Variants in PPP6R1 observed in about 807,000 individuals in gnomAD.
PPP6R1 encodes the protein protein phosphatase 6 regulatory subunit 1.
PPP6R1 carries 39 observed loss-of-function variants against 104.6 expected under a neutral mutation model. The observed-to-expected ratio is 0.37, with a 90% confidence interval of 0.29 to 0.49. The LOEUF (loss-of-function observed/expected upper bound fraction) is 0.49, where lower values mean the gene tolerates loss of function less well. Among genes scored for constraint, PPP6R1 ranks in the 20% least tolerant of loss-of-function variants. The pLI, the probability that PPP6R1 is intolerant of heterozygous loss-of-function variation, is 0.98. For missense variants in PPP6R1, 1,181 were observed against 1,155.8 expected, an observed-to-expected ratio of 1.02 and a Z score of -0.32; for synonymous variants, 549 against 479.0, an observed-to-expected ratio of 1.15 and a Z score of -1.91.
chr19:55,242,688 G>C (rs2087469675), intron 5 of PPP6R1, 200 bp from the exon 6 acceptor site: 2 of 577,778 alleles, frequency 3.5e-6, no homozygotes, highest in South Asian at 3.8e-5. Context: ...AGCCCGGAAG[G>C]CTCCCCAGGA....
intron 1 of PPP6R1, among the ~76,000 whole-genome samples, chr19:55,253,536 C>A (rs1437604890): frequency 2.0e-5 from 3 of 152,198 alleles, no homozygotes; most frequent in Non-Finnish European, 4.4e-5. Context: ...GCACGGCATC[C>A]AAGAACTTCG....
At chr19:55,234,634 T>TTCACAGCGGCCGCAC (rs11274918) in intron 17 of PPP6R1, among the ~76,000 whole-genome samples, 6 of 151,478 alleles carry the variant, frequency 4.0e-5, no homozygotes, top group African/African-American at 1.5e-4. Flanking sequence ...TGCAAGGGTA[T>TTCACAGCGGCCGCAC]TCACAGCGGC....
intron 20 of PPP6R1, 46 bp downstream of exon 20, chr19:55,231,550 GCT>G: frequency 6.3e-7 from 1 of 1,598,642 alleles, no homozygotes. Context: ...TGGCCAGGCT[GCT>G]CTCTCTGCCC....
intron 1 of PPP6R1, among the ~76,000 whole-genome samples, chr19:55,254,298 G>T (rs886741679): frequency 4.6e-5 from 7 of 152,192 alleles, no homozygotes; most frequent in Admixed American, 2.0e-4. Context: ...GGAAGAAGGG[G>T]AAATTGTAAA....
Position 55,231,574 on chromosome 19 carries a change from TGGGCA to T in PPP6R1, c.2377+19_2377+23del, listed in dbSNP as rs1317037886. 7 of 1,605,794 alleles carry T rather than the reference TGGGCA, an allele frequency of 4.4e-6. No individual in the cohort carries two copies. The highest frequency in any genetic ancestry group is 3.4e-5 in the Admixed American group (2 of 58,966). On this transcript the variant is annotated intron_variant, in intron 20 of 23. Coordinates refer to ENST00000412770, the MANE Select transcript of PPP6R1 (RefSeq NM_014931.4). The stretch of plus-strand genomic sequence containing the variant: ...TGCTCTCTCTGCCCAGGGCCGCGGG[TGGGCA>T]GGGCAAAGCGGGGCTCACCTGAGGG...
At position 55,241,654 on chromosome 19, in the gene PPP6R1, G is replaced by C. The variant is rs980057586; in HGVS notation, c.846-15C>G. The stretch of plus-strand genomic sequence containing the variant: ...CGGACTCGGACCTGCAGCAGGGCAG[G>C]GTCGAAGGCGGAGTGAGCCTAGATG... On this transcript the variant is annotated splice_polypyrimidine_tract_variant and intron_variant, in intron 7 of 23. Transcript: ENST00000412770. This position sits in a 1 kb window ranked among gnomAD's most constrained non-coding sequence, Gnocchi z 5.4. 2.6e-6 allele frequency: 4 copies of C among 1,551,160 alleles called. No homozygotes were observed. The East Asian group carries it at 9.5e-5, about 37-fold the overall frequency.
rs562588931 is a variant in PPP6R1, at chr19:55,241,429, C to G, written c.1009-38G>C. 3.0e-5 allele frequency: 48 copies of G among 1,596,526 alleles called. No homozygotes were observed. The highest frequency in any genetic ancestry group is 6.8e-5 in the Admixed American group (4 of 58,806). ...GGAGGCCTGATTCCCAAGGGCTGCC[C>G]TTCCTGCTTCCCCCGCCTCCCCGAG... On this transcript the variant is annotated intron_variant, in intron 8 of 23. Transcript: ENST00000412770. The surrounding 1 kb of genome is among the most constrained non-coding windows in gnomAD (Gnocchi z 5.4).
intron 1 of PPP6R1, among the ~76,000 whole-genome samples, chr19:55,258,024 G>C (rs1230305228): frequency 2.6e-5 from 4 of 152,242 alleles, no homozygotes; most frequent in African/African-American, 9.6e-5. Context: ...GGAAGAGGTG[G>C]CGGGGCAGAG....
rs1258721515 is a variant in PPP6R1 at position 55,241,500 on chromosome 19, G to A, written c.985C>T (p.Gln329Ter). 1 of 1,599,014 alleles carries A rather than the reference G, an allele frequency of 6.3e-7. No homozygotes were observed. The highest frequency in any genetic ancestry group is 8.5e-7 in the Non-Finnish European group (1 of 1,173,314). ...ACCTTGGGAGGCTCCAGCAGGAGCTGGTGGAAGCAGCTGAGCCGCGGGCGT... is the reference window on the plus strand; with the variant it reads ...ACCTTGGGAGGCTCCAGCAGGAGCTAGTGGAAGCAGCTGAGCCGCGGGCGT... ...ALRPRLSCFHQLLLEPPKLEP... is the reference protein window; with the variant it reads ...ALRPRLSCFH The change falls in exon 8 of 24, where the codon CAG (glutamine) becomes TAG (stop). Residue 329 changes from glutamine (Q) to a stop codon, truncating the protein, a stop_gained. Coordinates refer to ENST00000412770, the MANE Select transcript of PPP6R1 (RefSeq NM_014931.4). LOFTEE classifies it high-confidence loss of function. The surrounding 1 kb of genome is among the most constrained non-coding windows in gnomAD (Gnocchi z 5.4).
rs557592324 is a variant in PPP6R1, at chr19:55,239,583, C to T, written c.1653+11G>A. On this transcript the variant is annotated intron_variant, in intron 14 of 23. Coordinates refer to ENST00000412770, the MANE Select transcript of PPP6R1 (RefSeq NM_014931.4). Reference sequence around the variant, plus strand: ...ATAGCCCAGCACAGCCCCACATAGCCCCACGCCCACCTGCTGCAGCACAGC... The same window carrying T: ...ATAGCCCAGCACAGCCCCACATAGCTCCACGCCCACCTGCTGCAGCACAGC... The T allele has an allele frequency of 1.3e-5, 21 of 1,610,494 alleles. 1 individual carries two copies. The South Asian group carries it at 2.1e-4, about 16-fold the overall frequency.
At chr19:55,237,083 ATTTGG>A in intron 15 of PPP6R1, 113 bp from the exon 16 acceptor site, 1 of 1,170,320 alleles carries the variant, frequency 8.5e-7, no homozygotes, top group African/African-American at 1.5e-5. Flanking sequence ...TTACTTGCAG[ATTTGG>A]TATCTGCAAA....
intron 1 of PPP6R1, among the ~76,000 whole-genome samples, chr19:55,253,249 A>G (rs913124007): frequency 6.6e-6 from 1 of 152,244 alleles, no homozygotes; most frequent in African/African-American, 2.4e-5. Flanking sequence ...CATGTGGAAG[A>G]GGGGCCCAGA....
chr19:55,246,728 A>G, intron 2 of PPP6R1, 149 bp downstream of exon 2: 3 of 786,684 alleles, frequency 3.8e-6, no homozygotes, highest in Non-Finnish European at 5.9e-6. Flanking sequence ...GGCCTTGTGC[A>G]GGAGCCTGGC....
At position 55,241,635 on chromosome 19, in the gene PPP6R1, C is replaced by T. The variant is rs772841236; in HGVS notation, c.850G>A (p.Glu284Lys). Reference sequence around the variant, plus strand: ...AAGAAGCTGTTCACGGTCACGGACTCGGACCTGCAGCAGGGCAGGGTCGAA... The same window carrying T: ...AAGAAGCTGTTCACGGTCACGGACTTGGACCTGCAGCAGGGCAGGGTCGAA... ...TLLEPRRPRS[E>K]SVTVNSFFSS... The change falls in exon 8 of 24, where the codon GAG (glutamate) becomes AAG (lysine). Residue 284 changes from glutamate (E) to lysine (K), a missense_variant. Around this residue, in one of 2 missense-constraint regions of PPP6R1, gnomAD observed 1,042 missense variants for 955.6 expected, o/e 1.09. Coordinates refer to ENST00000412770, the MANE Select transcript of PPP6R1 (RefSeq NM_014931.4). The surrounding 1 kb of genome is among the most constrained non-coding windows in gnomAD (Gnocchi z 5.4). 1.2e-5 allele frequency: 19 copies of T among 1,574,482 alleles called. No individual in the cohort carries two copies. Among genetic ancestry groups the T allele is most frequent in the South Asian group, 2.3e-5 (2 of 85,600 alleles).
Position 55,231,732 on chromosome 19 carries a change from C to T in PPP6R1, c.2307-64G>A, listed in dbSNP as rs928286366. 18 of 1,508,064 alleles carry T rather than the reference C, an allele frequency of 1.2e-5. No homozygotes were observed. The South Asian group carries it at 1.5e-4, about 12-fold the overall frequency. 93.4% of individuals were successfully genotyped at this position (1,508,064 alleles called of 1,614,324 possible). On this transcript the variant is annotated intron_variant, in intron 19 of 23. Coordinates refer to ENST00000412770, the MANE Select transcript of PPP6R1 (RefSeq NM_014931.4). ...GTTAGCACTCGAGCCTATGAGAGGA[C>T]GGGGACCCCATGGCCACCTCCTGGC...
rs547677018 is a variant in PPP6R1, at chr19:55,231,821, G to A, written c.2287C>T (p.Arg763Cys). Residue 763 changes from arginine to cysteine, a missense_variant, in exon 19 of 24, where the codon CGT becomes TGT. Transcript: ENST00000412770. The part of the protein sequence containing the change: ...PTQSLASPPA[R>C]DALQLRSQDP... ...TCTCACCTGAGCTGCAGGGCGTCAC[G>A]GGCAGGAGGGCTGGCCAGGCTCTGA... The A allele has an allele frequency of 8.0e-5, 120 of 1,501,776 alleles. 1 individual carries two copies. In the Admixed American group the frequency reaches 1.4e-3, roughly 17 times the overall value. 93.0% of individuals were successfully genotyped at this position (1,501,776 alleles called of 1,614,324 possible). A position where few individuals can be genotyped will look rare whatever the true frequency, so the allele number is the denominator to read the frequency against.
rs1230422102 is a variant in PPP6R1 at position 55,245,813 on chromosome 19, G to C, written c.228-135C>G. 5.3e-6 allele frequency: 4 copies of C among 748,342 alleles called. No homozygotes were observed. The highest frequency in any genetic ancestry group is 3.5e-5 in the African/African-American group (2 of 57,028). 46.4% of individuals were successfully genotyped at this position (748,342 alleles called of 1,614,324 possible). The stretch of plus-strand genomic sequence containing the variant: ...GAGACCCCTGTCCAGGAAGGGGAAA[G>C]GGCAGAGGACAGGGTGACGCAGAAA... On this transcript the variant is annotated intron_variant, in intron 2 of 23. Transcript: ENST00000412770. This position sits in a 1 kb window ranked among gnomAD's most constrained non-coding sequence, Gnocchi z 6.4.
Position 55,239,477 on chromosome 19 carries a change from C to T in PPP6R1, c.1679G>A (p.Arg560His), listed in dbSNP as rs753045586. 10 of 1,613,940 alleles carry T rather than the reference C, an allele frequency of 6.2e-6. No individual in the cohort carries two copies. In the Admixed American group the frequency reaches 6.7e-5, roughly 11 times the overall value. ...GTGGTCAATGAAGGCAGAGGTCATG[C>T]GCTGCATCTGGAAGTCCATGAAGGC... is the stretch of plus-strand genomic sequence containing the variant. ...QQAFMDFQMQ[R>H]MTSAFIDHFG... The change falls in exon 15 of 24, where the codon CGC becomes CAC. Residue 560 changes from arginine (R) to histidine (H), a missense_variant. Around this residue, in one of 2 missense-constraint regions of PPP6R1, gnomAD observed 1,042 missense variants for 955.6 expected, o/e 1.09. Transcript: ENST00000412770.
chr19:55,234,645 CGCACTCACAGCGGCT>C (rs60763494), intron 17 of PPP6R1, among the ~76,000 whole-genome samples: 24,236 of 135,970 alleles, frequency 0.18, 2,706 homozygotes, highest in African/African-American at 0.39. Flanking sequence ...TCACAGCGGC[CGCACTCACAGCGGCT>C]GCACTCACAG....
Sources: allele counts gnomAD v4.1 joint callset (sites outside exome capture counted in the v4.1 genomes callset), GRCh38; gene constraint gnomAD v4.1.1; regional missense constraint gnomAD v4.1.1; non-coding constraint Gnocchi (gnomAD v3.1); transcripts MANE v1.5; gene names NCBI Gene and HGNC (gene_info 2026-07-23, HGNC 2026-07-21).